The following CCDC149 variants were observed in gnomAD, a reference collection of about 807,000 sequenced individuals.
CCDC149 encodes coiled-coil domain containing 149.
A neutral mutation model predicts 59.9 loss-of-function variants in CCDC149; 45 were observed. The observed-to-expected ratio is 0.75, with a 90% CI of 0.59 to 0.96. CCDC149 has a LOEUF of 0.96. Ranked by LOEUF, CCDC149 falls within the 40% of genes least tolerant of loss-of-function variation. The probability of loss-of-function intolerance (pLI) is 0.00; values close to 1 mark genes in which losing one functional copy is unlikely to be tolerated. For missense variants in CCDC149, 584 were observed against 664.7 expected, an observed-to-expected ratio of 0.88 and a Z score of 1.33; for synonymous variants, 245 against 260.6, an observed-to-expected ratio of 0.94 and a Z score of 0.58.
intron 1 of CCDC149, among the ~76,000 whole-genome samples, chr4:24,976,037 GA>G (rs1218983897): frequency 1.4e-5 from 2 of 145,556 alleles, no homozygotes. Flanking sequence ...GAAGGAGAGG[GA>G]GGGGGGAAGG....
chr4:24,827,624 C>T (rs933428141), intron 9 of CCDC149: 3 of 152,224 alleles, frequency 2.0e-5, no homozygotes, highest in Non-Finnish European at 4.4e-5. Context: ...AACCTCATAT[C>T]CGTTCTTTCT....
chr4:24,811,275 T>C (rs1236526180), intron 12 of CCDC149, among the ~76,000 whole-genome samples: 1 of 152,180 alleles, frequency 6.6e-6, no homozygotes, highest in Admixed American at 6.6e-5. Context: ...GCTACACTGA[T>C]CTGTAGAGCT....
At chr4:24,872,524 C>A (rs2109235806) in intron 3 of CCDC149, among the ~76,000 whole-genome samples, 1 of 152,108 alleles carries the variant, frequency 6.6e-6, no homozygotes. Flanking sequence ...TGGTATGCAC[C>A]CACAGAAGAG....
At chr4:24,906,370 A>T (rs1320517934) in intron 1 of CCDC149, among the ~76,000 whole-genome samples, 1 of 40,884 alleles carries the variant, frequency 2.4e-5, no homozygotes, top group African/African-American at 6.2e-5. Flanking sequence ...AACAAATTTT[A>T]TTTTATTTTA....
intron 1 of CCDC149, among the ~76,000 whole-genome samples, chr4:24,973,091 C>A (rs924293668): frequency 6.6e-6 from 1 of 152,176 alleles, no homozygotes; most frequent in Admixed American, 6.5e-5. Flanking sequence ...TTCTTTTAAT[C>A]AATTGCCAAT....
chr4:24,962,154 A>G (rs1270919457), intron 1 of CCDC149, among the ~76,000 whole-genome samples: 1 of 152,192 alleles, frequency 6.6e-6, no homozygotes, highest in Admixed American at 6.5e-5. Flanking sequence ...GGCAAAGGAT[A>G]TGAACAGACA....
chr4:24,842,048 C>T (rs915238634), intron 4 of CCDC149, among the ~76,000 whole-genome samples: 1 of 152,272 alleles, frequency 6.6e-6, no homozygotes, highest in East Asian at 1.9e-4. Context: ...CATAATACCG[C>T]TATTCCAAAG....
At chr4:24,940,188 G>A (rs534399614) in intron 1 of CCDC149, among the ~76,000 whole-genome samples, 1 of 152,372 alleles carries the variant, frequency 6.6e-6, no homozygotes, top group Non-Finnish European at 1.5e-5. Flanking sequence ...CAGACTAACA[G>A]CTGATCTCTT....
At chr4:24,942,239 A>G (rs1247622448) in intron 1 of CCDC149, among the ~76,000 whole-genome samples, 1 of 152,246 alleles carries the variant, frequency 6.6e-6, no homozygotes, top group African/African-American at 2.4e-5. Context: ...AGGCTGGTTC[A>G]ACATACAAAA....
intron 4 of CCDC149, among the ~76,000 whole-genome samples, chr4:24,841,025 C>A (rs948357068): frequency 1.2e-4 from 18 of 152,172 alleles, no homozygotes; most frequent in African/African-American, 4.1e-4. Context: ...CCACTGAAAG[C>A]TGATATGCAA....
At position 24,839,483 on chromosome 4, in the gene CCDC149, C is replaced by G. The variant is rs1039414558; in HGVS notation, c.373-1211G>C. Among the ~76,000 whole-genome samples the G allele has an allele frequency of 1.2e-4, 19 of 152,190 alleles. 1 individual carries two copies. Among genetic ancestry groups the G allele is most frequent in the Non-Finnish European group, 2.1e-4 (14 of 68,028 alleles). ...CATAAGCCACCGTGCCCGGCCTTTA[C>G]TTTCTAACTTTTAAAATCTTCATTC... On this transcript the variant is annotated intron_variant, in intron 4 of 12. Coordinates refer to ENST00000635206, the MANE Select transcript of CCDC149 (RefSeq NM_001330643.2).
rs552276220 is a variant in CCDC149, at chr4:24,960,397, G to T, written c.-65+19672C>A. Among the ~76,000 whole-genome samples, 5 of 152,172 alleles carry T rather than the reference G, an allele frequency of 3.3e-5. No homozygotes were observed. The South Asian group carries it at 8.3e-4, about 25-fold the overall frequency. On this transcript the variant is annotated intron_variant, in intron 1 of 12. Transcript: ENST00000389609. Reference sequence around the variant, plus strand: ...AAAATACTCAGTCCCAAAGAAGACAGAAACAAATAGCATATCAATAATCAC... The same window carrying T: ...AAAATACTCAGTCCCAAAGAAGACATAAACAAATAGCATATCAATAATCAC...
At chr4:24,803,537 T>C (rs999106343), downstream of CCDC149, among the ~76,000 whole-genome samples, 4 of 152,198 alleles carry the variant, frequency 2.6e-5, no homozygotes, top group Non-Finnish European at 5.9e-5. This position sits in a 1 kb window ranked among gnomAD's most constrained non-coding sequence, Gnocchi z 4.3. Context: ...TTGCCACATG[T>C]TTATTTCAGG....
intron 3 of CCDC149, among the ~76,000 whole-genome samples, chr4:24,853,736 T>C (rs963904690): frequency 1.3e-5 from 2 of 152,198 alleles, no homozygotes; most frequent in Admixed American, 6.5e-5. Flanking sequence ...ATTCTTCAAA[T>C]ATATGTTGTC....
chr4:24,963,206 A>G (rs1215508624), intron 1 of CCDC149, among the ~76,000 whole-genome samples: 1 of 151,534 alleles, frequency 6.6e-6, no homozygotes, highest in Non-Finnish European at 1.5e-5. Context: ...GTGTGGATCT[A>G]ATTTACCATC....
intron 8 of CCDC149, among the ~76,000 whole-genome samples, chr4:24,832,644 A>G (rs897115013): frequency 2.6e-5 from 4 of 152,094 alleles, no homozygotes; most frequent in African/African-American, 9.7e-5. Context: ...CAAAGTGTAC[A>G]CTTTCAAAAA....
intron 3 of CCDC149, among the ~76,000 whole-genome samples, chr4:24,859,594 A>C (rs1434271517): frequency 6.6e-6 from 1 of 152,190 alleles, no homozygotes; most frequent in African/African-American, 2.4e-5. Context: ...AAGTCCTAGC[A>C]AGAGCAATCA....
chr4:24,804,493 A>C (rs955679077), downstream of CCDC149, among the ~76,000 whole-genome samples: 3 of 151,440 alleles, frequency 2.0e-5, no homozygotes, highest in Non-Finnish European at 4.4e-5. Context: ...TCTCAAAAAA[A>C]AAAAAAAAAA....
intron 12 of CCDC149, among the ~76,000 whole-genome samples, chr4:24,813,524 AT>A (rs1452303579): frequency 0.01 from 1,321 of 126,614 alleles, 20 homozygotes; most frequent in Middle Eastern, 0.033. Flanking sequence ...ATATATATAT[AT>A]ATAAAACCTA....
Sources: allele counts gnomAD v4.1 joint callset (sites outside exome capture counted in the v4.1 genomes callset), GRCh38; gene constraint gnomAD v4.1.1; non-coding constraint Gnocchi (gnomAD v3.1); transcripts MANE v1.5; gene names NCBI Gene and HGNC (gene_info 2026-07-23, HGNC 2026-07-21).